TYRO3: variants seen among roughly 807,000 people sequenced by gnomAD.
The protein encoded by TYRO3 is tyrosine-protein kinase receptor TYRO3.
TYRO3 carries 38 observed loss-of-function variants against 95.2 expected under a neutral mutation model. The ratio of observed to expected loss-of-function variants is 0.40; its 90% CI spans 0.31 to 0.52. The LOEUF (loss-of-function observed/expected upper bound fraction) is 0.52. Ranked by LOEUF, TYRO3 falls within the 20% of genes least tolerant of loss-of-function variation. TYRO3 has a pLI of 0.56. For missense variants in TYRO3, 812 were observed against 1,116.4 expected (o/e 0.73, Z 3.89); for synonymous variants, 367 against 432.9 (o/e 0.85, Z 1.89).
At chr15:41,567,717 A>G (rs748115953) in intron 7 of TYRO3, among the ~76,000 whole-genome samples, 180 bp downstream of exon 7, 2 of 152,232 alleles carry the variant, frequency 1.3e-5, no homozygotes, top group Non-Finnish European at 2.9e-5. Flanking sequence ...CAGATAAGCA[A>G]ACTGGAAAAG....
chr15:41,564,394 G>C, intron 5 of TYRO3, 124 bp downstream of exon 5: 2 of 905,588 alleles, frequency 2.2e-6, no homozygotes, highest in Admixed American at 2.1e-5. Flanking sequence ...TAGGGAGCAA[G>C]GGGTTAATTG....
chr15:41,573,362 C>A lies in TYRO3; in HGVS notation c.2040C>A (p.Ile680=). The stretch of plus-strand genomic sequence containing the variant: ...CTGACTTCGGACTCTCCCGGAAGAT[C>A]TACAGTGGGGACTACTATCGTCAAG... ...CVADFGLSRK[I]YSGDYYRQGC... The change falls in exon 17 of 19, where the codon ATC becomes ATA. Residue 680 remains isoleucine, a synonymous_variant. Coordinates refer to ENST00000263798, the MANE Select transcript of TYRO3 (RefSeq NM_006293.4). 1 of 1,614,254 alleles carries A rather than the reference C, an allele frequency of 6.2e-7. No individual in the cohort carries two copies. Among genetic ancestry groups the A allele is most frequent in the Non-Finnish European group, 8.5e-7 (1 of 1,180,050 alleles).
chr15:41,570,452 G>A lies in TYRO3; in HGVS notation c.1483+112G>A. The A allele has an allele frequency of 2.2e-6, 3 of 1,366,900 alleles. No individual in the cohort carries two copies. The East Asian group carries it at 6.9e-5, about 32-fold the overall frequency. 84.7% of individuals were successfully genotyped at this position (1,366,900 alleles called of 1,614,324 possible). A position where few individuals can be genotyped will look rare whatever the true frequency, so the allele number is the denominator to read the frequency against. On this transcript the variant is annotated intron_variant, in intron 11 of 18. Transcript: ENST00000263798. ...ATGTCTGAACATCAGTGAGCCCCAG[G>A]CACACAAATCTGCCTGTGTGGAGTT...
At chr15:41,569,769 A>G (rs2055771172) in intron 9 of TYRO3, among the ~76,000 whole-genome samples, 1 of 151,902 alleles carries the variant, frequency 6.6e-6, no homozygotes, top group South Asian at 2.1e-4. Flanking sequence ...TGTGTCTCAA[A>G]CAAACTATAT....
At chr15:41,565,607 T>C (rs2055712625) in intron 6 of TYRO3, among the ~76,000 whole-genome samples, 1 of 151,130 alleles carries the variant, frequency 6.6e-6, no homozygotes, top group Non-Finnish European at 1.5e-5. Flanking sequence ...TTTGTATTTT[T>C]AGTAGAGACT....
At position 41,580,485 on chromosome 15, in the gene TYRO3, G is replaced by A. The variant is rs915676205; in HGVS notation, c.*2209G>A. 3.9e-5 allele frequency: 6 copies of A among 152,160 alleles called. No homozygotes were observed. The East Asian group carries it at 1.2e-3, about 29-fold the overall frequency. The allele number at this position is 152,160 out of a possible 1,614,324, so 9.4% of individuals were successfully genotyped here. A position where few individuals can be genotyped will look rare whatever the true frequency, so the allele number is the denominator to read the frequency against. On this transcript the variant is annotated 3_prime_UTR_variant, in exon 19 of 19. Coordinates refer to ENST00000263798, the MANE Select transcript of TYRO3 (RefSeq NM_006293.4). The stretch of plus-strand genomic sequence containing the variant: ...GATCCCGGCAGCCTAGGTGACAGGC[G>A]AGACTCCATCTCAAAAATAAAATAA...
At chr15:41,563,808 C>G (rs1467200691) in intron 4 of TYRO3, among the ~76,000 whole-genome samples, 1 of 152,158 alleles carries the variant, frequency 6.6e-6, no homozygotes, top group African/African-American at 2.4e-5. Context: ...ACAGAGCAAA[C>G]AGAAGGGCTC....
At position 41,559,486 on chromosome 15, in the gene TYRO3, T is replaced by C. The variant is rs971436353; in HGVS notation, c.124+105T>C. 110 of 201,206 alleles carry C rather than the reference T, an allele frequency of 5.5e-4. 1 individual carries two copies. The highest frequency in any genetic ancestry group is 9.8e-4 in the Non-Finnish European group (101 of 103,224). 12.5% of individuals were successfully genotyped at this position (201,206 alleles called of 1,614,324 possible). The stretch of plus-strand genomic sequence containing the variant: ...TGGCGGGCTGGAGTCGGGGTGGGGG[T>C]CCGGAGCCGAAGGCCGAGGCTCGGA... On this transcript the variant is annotated intron_variant, in intron 1 of 18. Transcript: ENST00000263798.
Position 41,568,113 on chromosome 15 carries a change from C to G in TYRO3, c.962-104C>G, listed in dbSNP as rs1330521005. 10 of 1,474,042 alleles carry G rather than the reference C, an allele frequency of 6.8e-6. No homozygotes were observed. The East Asian group carries it at 2.0e-4, about 30-fold the overall frequency. The allele number at this position is 1,474,042 out of a possible 1,614,324, so 91.3% of individuals were successfully genotyped here. ...AGGTGAACCCTTCCCCAGTTTGTGC[C>G]TCTCAGAGCTGTTTAGTTCTTGGGA... On this transcript the variant is annotated intron_variant, in intron 7 of 18. Transcript: ENST00000263798.
At chr15:41,574,037 A>G (rs966657071) in intron 18 of TYRO3, among the ~76,000 whole-genome samples, 2 of 152,172 alleles carry the variant, frequency 1.3e-5, no homozygotes, top group African/African-American at 2.4e-5. Context: ...GCCTTTGTCT[A>G]TCAGTCTCTT....
intron 18 of TYRO3, 180 bp from the exon 19 acceptor site, chr15:41,577,706 C>T (rs1478302475): frequency 8.4e-6 from 5 of 593,660 alleles, no homozygotes; most frequent in Middle Eastern, 4.7e-4. Flanking sequence ...AGGCTGGTCT[C>T]GAACTCCTGG....
chr15:41,565,582 C>CTTTTTTT (rs71104798), intron 6 of TYRO3, among the ~76,000 whole-genome samples: 4 of 133,302 alleles, frequency 3.0e-5, no homozygotes, highest in East Asian at 2.2e-4. Context: ...GCCCAGCTAA[C>CTTTTTTT]TTTTTTTTTT....
chr15:41,563,012 C>T (rs1230809070), intron 4 of TYRO3, among the ~76,000 whole-genome samples: 2 of 152,044 alleles, frequency 1.3e-5, no homozygotes, highest in Non-Finnish European at 1.5e-5. Context: ...TTGTATGAGA[C>T]CAGGGGCACC....
chr15:41,568,733 C>G, intron 8 of TYRO3, 145 bp from the exon 9 acceptor site: 1 of 946,382 alleles, frequency 1.1e-6, no homozygotes, highest in Non-Finnish European at 1.6e-6. Context: ...GTGATTACTC[C>G]CAGAAGGTTG....
intron 3 of TYRO3, chr15:41,562,122 C>A (rs1339377127): frequency 1.1e-5 from 2 of 179,650 alleles, no homozygotes; most frequent in African/African-American, 2.4e-5. Flanking sequence ...CAGCTCTCCA[C>A]CCCCAGTCTC....
Position 41,568,360 on chromosome 15 carries a change from C to G in TYRO3, c.1105C>G (p.Gln369Glu). 7 of 1,613,446 alleles carry G rather than the reference C, an allele frequency of 4.3e-6. No homozygotes were observed. The highest frequency in any genetic ancestry group is 5.9e-6 in the Non-Finnish European group (7 of 1,179,656). ...GTCCTGGGTTCAAGACAATGGAACC[C>G]AGGTAAGACAGAACCCTCCCCTCTC... ...KLSWVQDNGT[Q>E]DELTVEGTRA... The change falls in exon 8 of 19, where the codon CAG (glutamine) becomes GAG (glutamate). Residue 369 changes from glutamine (Q) to glutamate (E), a missense_variant and splice_region_variant. Transcript: ENST00000263798.
At chr15:41,560,122 G>A (rs2055626520) in intron 1 of TYRO3, among the ~76,000 whole-genome samples, 1 of 152,236 alleles carries the variant, frequency 6.6e-6, no homozygotes, top group Non-Finnish European at 1.5e-5. Flanking sequence ...GCAGGGAAGA[G>A]CCACAGGCCA....
intron 9 of TYRO3, among the ~76,000 whole-genome samples, chr15:41,569,309 A>AC (rs2055765718): frequency 6.6e-6 from 1 of 151,882 alleles, no homozygotes; most frequent in Non-Finnish European, 1.5e-5. Flanking sequence ...AAAAAAAAAA[A>AC]AAAAAACAAT....
intron 4 of TYRO3, among the ~76,000 whole-genome samples, chr15:41,563,059 C>G (rs2055677810): frequency 6.6e-6 from 1 of 152,076 alleles, no homozygotes; most frequent in Admixed American, 6.5e-5. Flanking sequence ...AGCCAGAAAC[C>G]AGCCCACGCA....
Sources: allele counts gnomAD v4.1 joint callset (sites outside exome capture counted in the v4.1 genomes callset), GRCh38; gene constraint gnomAD v4.1.1; transcripts MANE v1.5; gene names NCBI Gene and HGNC (gene_info 2026-07-23, HGNC 2026-07-21).